Variants in ENPP6 observed in about 807,000 individuals in gnomAD.
ENPP6 encodes the protein ectonucleotide pyrophosphatase/phosphodiesterase 6, also known as glycerophosphocholine cholinephosphodiesterase ENPP6.
Under a neutral mutation model 42.0 loss-of-function variants are expected in ENPP6, and 32 were observed. That is an observed-to-expected ratio of 0.76 (90% CI 0.58 to 1.02). The LOEUF (loss-of-function observed/expected upper bound fraction) is 1.02. Ranked by LOEUF, ENPP6 falls within the 50% of genes least tolerant of loss-of-function variation. The pLI, the probability that ENPP6 is intolerant of heterozygous loss-of-function variation, is 0.00. For synonymous variants in ENPP6, 213 were observed against 216.0 expected (o/e 0.99, Z 0.12); for missense variants, 552 against 566.8 (o/e 0.97, Z 0.27).
chr4:184,136,615 T>C (rs1218834950), intron 2 of ENPP6, among the ~76,000 whole-genome samples: 1 of 152,240 alleles, frequency 6.6e-6, no homozygotes, highest in Non-Finnish European at 1.5e-5. Context: ...TCACTTGATA[T>C]AGAATTTTAC....
intron 1 of ENPP6, among the ~76,000 whole-genome samples, chr4:184,154,939 T>C (rs533619626): frequency 6.6e-6 from 1 of 152,354 alleles, no homozygotes; most frequent in East Asian, 1.9e-4. Context: ...CTTACATATA[T>C]AGTCCTATGT....
chr4:184,141,749 C>A (rs923843089), intron 2 of ENPP6, among the ~76,000 whole-genome samples: 9 of 152,018 alleles, frequency 5.9e-5, no homozygotes, highest in African/African-American at 2.2e-4. Context: ...GTCACTAAAC[C>A]CATAGGCTTT....
intron 7 of ENPP6, among the ~76,000 whole-genome samples, chr4:184,092,101 T>C (rs1327198699): frequency 6.6e-6 from 1 of 152,080 alleles, no homozygotes; most frequent in Non-Finnish European, 1.5e-5. Flanking sequence ...TTTCAGAACA[T>C]CTATCTAGCC....
chr4:184,128,434 G>T (rs1016765752), intron 2 of ENPP6, among the ~76,000 whole-genome samples: 1 of 152,164 alleles, frequency 6.6e-6, no homozygotes, highest in Non-Finnish European at 1.5e-5. Flanking sequence ...GCCTGCCTCA[G>T]CCTCTCAAAG....
At chr4:184,141,489 A>C (rs113404047) in intron 2 of ENPP6, among the ~76,000 whole-genome samples, 2 of 152,148 alleles carry the variant, frequency 1.3e-5, no homozygotes, top group African/African-American at 4.8e-5. Context: ...TTAATCAGGG[A>C]CTTGGGGCAA....
At chr4:184,117,138 G>C (rs1380319343) in intron 4 of ENPP6, 103 bp from the exon 5 acceptor site, 1 of 1,363,898 alleles carries the variant, frequency 7.3e-7, no homozygotes, top group Admixed American at 2.0e-5. Context: ...TATCTCCTCA[G>C]TTCTGTGTTT....
chr4:184,146,259 C>T (rs1343839794), intron 2 of ENPP6, among the ~76,000 whole-genome samples: 2 of 151,346 alleles, frequency 1.3e-5, no homozygotes, highest in African/African-American at 2.4e-5. Flanking sequence ...GGTGAAACCC[C>T]GTCTTTACTA....
chr4:184,108,370 G>A (rs1453514657), intron 6 of ENPP6, among the ~76,000 whole-genome samples: 5 of 152,186 alleles, frequency 3.3e-5, no homozygotes, highest in East Asian at 1.9e-4. Flanking sequence ...AGGTTTCAGG[G>A]CAAAACTTAA....
intron 1 of ENPP6, among the ~76,000 whole-genome samples, chr4:184,200,962 T>C (rs1274683923): frequency 6.6e-6 from 1 of 152,208 alleles, no homozygotes; most frequent in African/African-American, 2.4e-5. Context: ...TCCATTGCTC[T>C]CAGCCCCGAC....
chr4:184,131,261 T>TC lies in ENPP6; in HGVS notation c.422-6990_422-6989insG, dbSNP rs796762858. On this transcript the variant is annotated intron_variant, in intron 2 of 7. Transcript: ENST00000296741. ...TTTTCTTTCTTTCTTTCTCTTTCTC[T>TC]TCCTTCCTTCCTTCCTTCCTTCCTT... Among the ~76,000 whole-genome samples, 32 of 44,404 alleles carry TC rather than the reference T, an allele frequency of 7.2e-4. 5 individuals carry two copies. Among genetic ancestry groups the TC allele is most frequent in the South Asian group, 3.1e-3 (4 of 1,308 alleles). The allele number at this position is 44,404 out of a possible 152,430, so 29.1% of individuals were successfully genotyped here.
intron 1 of ENPP6, among the ~76,000 whole-genome samples, chr4:184,156,646 T>C (rs1450257176): frequency 6.6e-6 from 1 of 152,224 alleles, no homozygotes; most frequent in African/African-American, 2.4e-5. Context: ...AGGTATGATG[T>C]AAGGAATGTC....
At chr4:184,200,296 C>T (rs4861609) in intron 1 of ENPP6, among the ~76,000 whole-genome samples, 2 of 152,084 alleles carry the variant, frequency 1.3e-5, no homozygotes, top group African/African-American at 2.4e-5. Context: ...CGGACCCACT[C>T]GGCACATCTG....
intron 2 of ENPP6, among the ~76,000 whole-genome samples, chr4:184,131,197 CTTTCT>C (rs1736613182): frequency 4.2e-5 from 2 of 47,932 alleles, no homozygotes; most frequent in Admixed American, 3.1e-4. Context: ...TTCTTTCTTT[CTTTCT>C]TCTTTCTTTC....
At chr4:184,111,572 C>T (rs1451429911) in intron 6 of ENPP6, among the ~76,000 whole-genome samples, 3 of 152,214 alleles carry the variant, frequency 2.0e-5, no homozygotes, top group Non-Finnish European at 1.5e-5. Context: ...GGACCCTCAC[C>T]TTGTAAACCA....
At chr4:184,110,091 A>C (rs1736174465) in intron 6 of ENPP6, among the ~76,000 whole-genome samples, 1 of 152,314 alleles carries the variant, frequency 6.6e-6, no homozygotes, top group Admixed American at 6.5e-5. Flanking sequence ...ACGTGTCCTC[A>C]GACGTGTCAC....
intron 1 of ENPP6, among the ~76,000 whole-genome samples, chr4:184,162,985 C>T (rs924374073): frequency 9.2e-5 from 14 of 152,224 alleles, no homozygotes; most frequent in Admixed American, 2.0e-4. Flanking sequence ...GCCTCTCCAG[C>T]CACTGTCCTA....
At chr4:184,215,177 A>G (rs1733178281) in intron 1 of ENPP6, among the ~76,000 whole-genome samples, 1 of 152,152 alleles carries the variant, frequency 6.6e-6, no homozygotes, top group African/African-American at 2.4e-5. Flanking sequence ...ACTCCTCGTT[A>G]TGCAAAGGGA....
At chr4:184,150,279 C>G (rs1380878677) in intron 2 of ENPP6, among the ~76,000 whole-genome samples, 3 of 152,122 alleles carry the variant, frequency 2.0e-5, no homozygotes, top group Non-Finnish European at 2.9e-5. Flanking sequence ...GCTGCTTTAT[C>G]TACCTGACAG....
chr4:184,092,661 G>T (rs1185202239), intron 7 of ENPP6, among the ~76,000 whole-genome samples: 1 of 152,196 alleles, frequency 6.6e-6, no homozygotes, highest in African/African-American at 2.4e-5. Context: ...TTCACTTTTA[G>T]GCCCCAAACC....
Sources: allele counts gnomAD v4.1 joint callset (sites outside exome capture counted in the v4.1 genomes callset), GRCh38; gene constraint gnomAD v4.1.1; transcripts MANE v1.5; gene names NCBI Gene and HGNC (gene_info 2026-07-23, HGNC 2026-07-21).